The following NFASC variants were observed in gnomAD, a reference collection of about 807,000 sequenced individuals.
NFASC encodes neurofascin homolog.
In NFASC, 43 loss-of-function variants were observed where a neutral mutation model predicts 147.5. The ratio of observed to expected loss-of-function variants is 0.29; its 90% CI spans 0.23 to 0.38. The LOEUF is 0.38. NFASC is among the 10% of genes least tolerant of loss of function. NFASC has a pLI of 1.00. For synonymous variants in NFASC, 622 were observed against 665.5 expected, an observed-to-expected ratio of 0.93 and a Z score of 1.01; for missense variants, 1,320 against 1,689.0, an observed-to-expected ratio of 0.78 and a Z score of 3.83.
intron 10 of NFASC, among the ~76,000 whole-genome samples, 188 bp from the exon 11 acceptor site, chr1:204,970,428 C>T (rs187727217): frequency 5.9e-4 from 90 of 152,356 alleles, no homozygotes; most frequent in Non-Finnish European, 9.3e-4. Flanking sequence ...AGATCAGCAT[C>T]TGTGCAGCCA....
Position 204,997,258 on chromosome 1 carries a change from C to T in NFASC, c.2871C>T (p.Ala957=), listed in dbSNP as rs2095864513. The change falls in exon 25 of 30, where the codon GCC becomes GCT. Residue 957 remains alanine (A), a synonymous_variant. Transcript: ENST00000339876. ...DATAIAATTE[A]TTVPIIPTVA... ...CTGCCATTGCTGCCACCACCGAAGC[C>T]ACAACAGTCCCCATCATCCCAACTG... The T allele has an allele frequency of 9.9e-6, 16 of 1,613,674 alleles. No homozygotes were observed. The highest frequency in any genetic ancestry group is 1.7e-5 in the Admixed American group (1 of 59,966).
chr1:205,012,825 C>T lies in NFASC; in HGVS notation c.3450C>T (p.Gly1150=), dbSNP rs200916288. 1 of 1,613,660 alleles carries T rather than the reference C, an allele frequency of 6.2e-7. No individual in the cohort carries two copies. Among genetic ancestry groups the T allele is most frequent in the African/African-American group, 1.3e-5 (1 of 75,022 alleles). The stretch of plus-strand genomic sequence containing the variant: ...GAGAAAAGAAGGATGTTCCCCTTGG[C>T]CCTGAAGACCCCAAGGAAGAGGATG... ...PVREKKDVPL[G]PEDPKEEDGS... The change falls in exon 29 of 30, where the codon GGC becomes GGT. Residue 1150 remains glycine (G), a synonymous_variant. Transcript: ENST00000339876.
At chr1:204,965,726 G>T (rs1390515070) in intron 8 of NFASC, among the ~76,000 whole-genome samples, 1 of 152,200 alleles carries the variant, frequency 6.6e-6, no homozygotes. Flanking sequence ...TTTTGCCCTT[G>T]CATTTTCTTT....
intron 1 of NFASC, among the ~76,000 whole-genome samples, chr1:204,837,678 GCTGAC>G (rs1393021908): frequency 6.6e-6 from 1 of 152,146 alleles, no homozygotes; most frequent in Non-Finnish European, 1.5e-5. Context: ...TGTCCAGAGT[GCTGAC>G]CTGACCTGAG....
intron 1 of NFASC, among the ~76,000 whole-genome samples, chr1:204,909,347 G>A (rs1025389012): frequency 3.9e-5 from 6 of 152,058 alleles, no homozygotes; most frequent in Non-Finnish European, 5.9e-5. Context: ...TTCCCCCAGT[G>A]GCTGATGATG....
chr1:204,912,214 G>T (rs77213994), intron 1 of NFASC, among the ~76,000 whole-genome samples: 1 of 151,406 alleles, frequency 6.6e-6, no homozygotes, highest in Non-Finnish European at 1.5e-5. Context: ...CTAGTTCCTC[G>T]AGGTGGGACC....
intron 24 of NFASC, among the ~76,000 whole-genome samples, chr1:204,996,529 A>G (rs1375601): frequency 0.57 from 86,648 of 152,062 alleles, 25,044 homozygotes; most frequent in East Asian, 0.85. Context: ...GAGGAGAGGC[A>G]GGGGAATGAC....
chr1:204,962,205 C>T (rs1466919164), intron 8 of NFASC: 2 of 1,516,546 alleles, frequency 1.3e-6, no homozygotes, highest in Admixed American at 1.7e-5. Flanking sequence ...TGTGCTAACC[C>T]CAGTTTGCCT....
At chr1:204,830,575 G>A (rs1001243490) in intron 1 of NFASC, among the ~76,000 whole-genome samples, 1 of 151,926 alleles carries the variant, frequency 6.6e-6, no homozygotes, top group Non-Finnish European at 1.5e-5. Flanking sequence ...CTGAAGGGGT[G>A]TGTTGTGTGT....
intron 1 of NFASC, among the ~76,000 whole-genome samples, chr1:204,905,546 G>C (rs1393279194): frequency 6.6e-6 from 1 of 151,708 alleles, no homozygotes; most frequent in African/African-American, 2.4e-5. Context: ...TTTTGTTTTT[G>C]AGTTGTAGTA....
At chr1:205,011,207 A>ACCC (rs10628542) in intron 28 of NFASC, among the ~76,000 whole-genome samples, 8,039 of 142,442 alleles carry the variant, frequency 0.056, 228 homozygotes, top group South Asian at 0.086. Flanking sequence ...CTCCCCCAGG[A>ACCC]CCCCCCCCAA....
In NFASC at chr1:204,975,081, G is replaced by A. The variant is rs1426555507; in HGVS notation, c.1559-190G>A. Among the ~76,000 whole-genome samples the A allele has an allele frequency of 4.6e-5, 7 of 152,202 alleles. No homozygotes were observed. ...ATATATTCCTGAGCCAGATGGAGTG[G>A]ATTTGGGGCATTATCTGCTTTGGGG... On this transcript the variant is annotated intron_variant, in intron 14 of 29. Transcript: ENST00000339876. The surrounding 1 kb of genome is among the most constrained non-coding windows in gnomAD (Gnocchi z 4.0).
intron 1 of NFASC, among the ~76,000 whole-genome samples, chr1:204,913,836 C>T (rs559363437): frequency 4.4e-4 from 66 of 149,908 alleles, no homozygotes; most frequent in South Asian, 1.1e-3. Flanking sequence ...AAGGCTGCAG[C>T]GAGTCATGAT....
chr1:204,863,587 G>C (rs1167999516), intron 1 of NFASC, among the ~76,000 whole-genome samples: 2 of 152,054 alleles, frequency 1.3e-5, no homozygotes, highest in Admixed American at 1.3e-4. Flanking sequence ...CAGTGGCTCA[G>C]GTCTGTAATC....
chr1:204,843,545 A>C (rs1247372496), intron 1 of NFASC, among the ~76,000 whole-genome samples: 4 of 148,264 alleles, frequency 2.7e-5, no homozygotes, highest in Non-Finnish European at 6.0e-5. Context: ...TTCCCTCTCC[A>C]GGTCTGTCTC....
chr1:205,012,766 G>A, intron 28 of NFASC, 31 bp from the exon 29 acceptor site: 2 of 1,543,916 alleles, frequency 1.3e-6, no homozygotes, highest in Non-Finnish European at 1.8e-6. Flanking sequence ...TAATCGTCGT[G>A]TCTGTGTCTT....
chr1:204,878,394 A>G (rs1382956234), intron 1 of NFASC, among the ~76,000 whole-genome samples: 4 of 152,208 alleles, frequency 2.6e-5, no homozygotes, highest in Non-Finnish European at 5.9e-5. Context: ...CAAAAACCGC[A>G]ATTACTTTTG....
chr1:204,940,429 GGC>G (rs2093281853), intron 2 of NFASC, among the ~76,000 whole-genome samples: 1 of 152,194 alleles, frequency 6.6e-6, no homozygotes, highest in Admixed American at 6.5e-5. Context: ...CTCCCGCCTG[GGC>G]AACAGAGTGA....
intron 25 of NFASC, chr1:205,000,909 C>A (rs560664120): frequency 2.4e-4 from 125 of 528,032 alleles, no homozygotes; most frequent in South Asian, 2.4e-3. Context: ...AGCTCTCCCT[C>A]CGAAGTCCTC....
Sources: allele counts gnomAD v4.1 joint callset (sites outside exome capture counted in the v4.1 genomes callset), GRCh38; gene constraint gnomAD v4.1.1; non-coding constraint Gnocchi (gnomAD v3.1); transcripts MANE v1.5; gene names NCBI Gene and HGNC (gene_info 2026-07-23, HGNC 2026-07-21).